The following FBN1 variants were observed in gnomAD, a reference collection of about 807,000 sequenced individuals.
FBN1 encodes fibrillin-1.
In FBN1, 29 loss-of-function variants were observed where a neutral mutation model predicts 365.1. That is an observed-to-expected ratio of 0.08 (90% CI 0.06 to 0.11). The LOEUF (loss-of-function observed/expected upper bound fraction) is 0.11. FBN1 is among the 10% of genes least tolerant of loss of function. FBN1 has a pLI of 1.00. For missense variants in FBN1, 2,476 were observed against 3,703.2 expected, an observed-to-expected ratio of 0.67 and a Z score of 8.60; for synonymous variants, 1,210 against 1,270.5, an observed-to-expected ratio of 0.95 and a Z score of 1.01.
At chr15:48,523,479 A>C (rs1328801870) in intron 9 of FBN1, among the ~76,000 whole-genome samples, 2 of 152,250 alleles carry the variant, frequency 1.3e-5, no homozygotes, top group Non-Finnish European at 2.9e-5. Context: ...TGATTTACAG[A>C]TGGCACCTGC....
intron 2 of FBN1, among the ~76,000 whole-genome samples, chr15:48,634,860 C>A (rs1032470661): frequency 0.028 from 1,147 of 41,198 alleles, 90 homozygotes; most frequent in African/African-American, 0.2. Flanking sequence ...AAAAAAACCA[C>A]ACACACACAC....
chr15:48,515,520 C>G lies in FBN1; in HGVS notation c.1335G>C (p.Leu445=). The G allele has an allele frequency of 6.2e-7, 1 of 1,613,928 alleles. No homozygotes were observed. The highest frequency in any genetic ancestry group is 8.5e-7 in the Non-Finnish European group (1 of 1,179,864). The change falls in exon 12 of 66, where the codon CTG becomes CTC. Residue 445 remains leucine, a synonymous_variant. Transcript: ENST00000316623. ...GGCAGTAATCAGTAACGTTTACTGG[C>G]AGCACCCCTAGAAGAACATTAAGCC... The part of the protein sequence containing the change: ...LYPSREPPRV[L]PVNVTDYCQL...
In FBN1 at chr15:48,408,880, C is replaced by G. The variant is rs545618801; in HGVS notation, c.*2110G>C. On this transcript the variant is annotated 3_prime_UTR_variant, in exon 66 of 66. Coordinates refer to ENST00000316623, the MANE Select transcript of FBN1 (RefSeq NM_000138.5). ...ATCCGTTATTGAATATAATGCAGTT[C>G]TGGTTAAATTATCAAAGACATTTTC... The G allele has an allele frequency of 6.6e-6, 1 of 152,554 alleles. No individual in the cohort carries two copies. Among genetic ancestry groups the G allele is most frequent in the Admixed American group, 6.5e-5 (1 of 15,298 alleles). The allele number at this position is 152,554 out of a possible 1,614,324, so 9.5% of individuals were successfully genotyped here.
intron 6 of FBN1, among the ~76,000 whole-genome samples, chr15:48,577,761 C>T (rs376722793): frequency 6.6e-6 from 1 of 152,108 alleles, no homozygotes; most frequent in East Asian, 1.9e-4. Context: ...GTGTTGGTGA[C>T]GTTCCATAAT....
intron 6 of FBN1, among the ~76,000 whole-genome samples, chr15:48,576,651 G>GTTCA (rs1034541659): frequency 6.6e-6 from 1 of 152,108 alleles, no homozygotes; most frequent in African/African-American, 2.4e-5. Context: ...TGATGCACTC[G>GTTCA]TTCATTCATT....
intron 37 of FBN1, 21 bp downstream of exon 37, chr15:48,468,391 G>GA: frequency 6.2e-7 from 1 of 1,613,734 alleles, no homozygotes; most frequent in Non-Finnish European, 8.5e-7. Flanking sequence ...TTGCTTCTCT[G>GA]AAAAGTTTTT....
intron 52 of FBN1, 83 bp from the exon 53 acceptor site, chr15:48,437,160 A>ACTG: frequency 8.4e-7 from 1 of 1,184,234 alleles, no homozygotes; most frequent in Non-Finnish European, 1.3e-6. Context: ...GTGTTTAATC[A>ACTG]AAAGATTATC....
intron 43 of FBN1, 32 bp downstream of exon 43, chr15:48,460,214 C>G (rs1196031416): frequency 6.3e-7 from 1 of 1,576,336 alleles, no homozygotes. Context: ...GGCAAAAAAC[C>G]AGAAAGTTCT....
chr15:48,442,479 A>C (rs555953891), intron 49 of FBN1, among the ~76,000 whole-genome samples: 7 of 152,346 alleles, frequency 4.6e-5, no homozygotes, highest in African/African-American at 1.7e-4. Flanking sequence ...CCTTTCTTGT[A>C]CAGGCTTTTT....
At chr15:48,465,985 G>T in intron 38 of FBN1, 127 bp from the exon 39 acceptor site, 1 of 734,960 alleles carries the variant, frequency 1.4e-6, no homozygotes, top group Non-Finnish European at 2.4e-6. Flanking sequence ...TTGTTACTCT[G>T]CCCGTCTGAA....
rs760582295 is a variant in FBN1, at chr15:48,508,685, T to C, written c.1734A>G (p.Ile578Met). 3.1e-6 allele frequency: 5 copies of C among 1,613,830 alleles called. No individual in the cohort carries two copies. Among genetic ancestry groups the C allele is most frequent in the Non-Finnish European group, 2.5e-6 (3 of 1,179,750 alleles). ...ACATTCCATTAAGGCACATGTTCCT[T>C]ATGCTGCATTCATCCATATCTGAAA... is the stretch of plus-strand genomic sequence containing the variant. Reference protein sequence around the residue: ...KNCEDMDECSIRNMCLNGMCI... With the variant: ...KNCEDMDECSMRNMCLNGMCI... Residue 578 changes from isoleucine to methionine, a missense_variant, in exon 15 of 66, where the codon ATA (isoleucine) becomes ATG (methionine). Ile to Met is a conservative substitution (Grantham distance 10, BLOSUM62 1). This residue lies in a region of FBN1 where 1,780 missense variants were observed against 2,840.8 expected (regional missense o/e 0.63). Transcript: ENST00000316623.
Position 48,561,167 on chromosome 15 carries a change from G to A in FBN1, c.539-23359C>T, listed in dbSNP as rs78132686. Among the ~76,000 whole-genome samples, 2,551 of 152,232 alleles carry A rather than the reference G, an allele frequency of 0.017. 204 individuals are homozygous for A. In the East Asian group the frequency reaches 0.24, roughly 14 times the overall value. On this transcript the variant is annotated intron_variant, in intron 6 of 65. Coordinates refer to ENST00000316623, the MANE Select transcript of FBN1 (RefSeq NM_000138.5). ...TATAAGTGCTAAAACAAAATGACTT[G>A]TCTTTTCAAGCCAATTAGTGATTTC...
chr15:48,541,118 A>AC (rs61039289), intron 6 of FBN1, among the ~76,000 whole-genome samples: 3,451 of 152,160 alleles, frequency 0.023, 113 homozygotes, highest in African/African-American at 0.075. Flanking sequence ...TAAAAAAAAA[A>AC]ACCCCTTAAG....
intron 6 of FBN1, among the ~76,000 whole-genome samples, chr15:48,585,678 C>G (rs999933171): frequency 2.0e-5 from 3 of 152,286 alleles, no homozygotes; most frequent in South Asian, 2.1e-4. Context: ...AGTATCAGAT[C>G]TAATTTCTAG....
intron 9 of FBN1, 96 bp from the exon 10 acceptor site, chr15:48,520,913 G>T: frequency 1.3e-6 from 2 of 1,526,764 alleles, no homozygotes; most frequent in Non-Finnish European, 9.0e-7. Context: ...TCACACTGGG[G>T]CTACGGCAGG....
At chr15:48,571,471 C>A (rs918501058) in intron 6 of FBN1, among the ~76,000 whole-genome samples, 1 of 151,722 alleles carries the variant, frequency 6.6e-6, no homozygotes, top group Non-Finnish European at 1.5e-5. Flanking sequence ...AGGAAAAGGA[C>A]CACATGTAAA....
chr15:48,414,895 A>C (rs1214105173), intron 64 of FBN1, among the ~76,000 whole-genome samples: 1 of 1,666 alleles, frequency 6.0e-4, no homozygotes, highest in African/African-American at 6.0e-3. Flanking sequence ...GACTCCGTCT[A>C]AAAAAAAAAA....
At chr15:48,564,328 T>A (rs1007385122) in intron 6 of FBN1, among the ~76,000 whole-genome samples, 1 of 152,154 alleles carries the variant, frequency 6.6e-6, no homozygotes, top group Non-Finnish European at 1.5e-5. Flanking sequence ...TGCAACCAGA[T>A]CAATAAAACA....
intron 6 of FBN1, among the ~76,000 whole-genome samples, chr15:48,550,735 C>T (rs570795338): frequency 3.6e-4 from 55 of 152,044 alleles, no homozygotes; most frequent in African/African-American, 1.3e-3. Flanking sequence ...CCTGGAATGC[C>T]TTTCCTCTCC....
Sources: gnomAD v4.1 joint callset for allele counts (sites outside exome capture counted in the v4.1 genomes callset) on GRCh38, gnomAD v4.1.1 for gene constraint, gnomAD v4.1.1 regional missense constraint, MANE v1.5 for transcripts, NCBI Gene and HGNC (gene_info 2026-07-23, HGNC 2026-07-21) for gene names.